The following NACC2 variants were observed in gnomAD, a reference collection of about 807,000 sequenced individuals.
NACC2 encodes NACC family member 2, also known as nucleus accumbens-associated protein 2.
Under a neutral mutation model 25.1 loss-of-function variants are expected in NACC2, and 8 were observed. That is an observed-to-expected ratio of 0.32 (90% CI 0.19 to 0.57). The LOEUF is 0.57. NACC2 is among the 20% of genes least tolerant of loss of function. NACC2 has a pLI of 0.89. For synonymous variants in NACC2, 435 were observed against 294.7 expected, an observed-to-expected ratio of 1.48 and a Z score of -4.88; for missense variants, 644 against 650.2, an observed-to-expected ratio of 0.99 and a Z score of 0.10.
Position 136,013,792 on chromosome 9 carries a change from C to A in NACC2, c.1157+72G>T. 1 of 1,331,122 alleles carries A rather than the reference C, an allele frequency of 7.5e-7. No homozygotes were observed. Among genetic ancestry groups the A allele is most frequent in the Non-Finnish European group, 1.1e-6 (1 of 944,100 alleles). 82.5% of individuals were successfully genotyped at this position (1,331,122 alleles called of 1,614,324 possible). On this transcript the variant is annotated intron_variant, in intron 4 of 5. Coordinates refer to ENST00000277554, the MANE Select transcript of NACC2 (RefSeq NM_144653.5). This position sits in a 1 kb window ranked among gnomAD's most constrained non-coding sequence, Gnocchi z 6.6. ...AATGCCACAACCCTGGACGATCAGA[C>A]AGCTCATAGCTAAAGGAGCCAGAAC...
Position 136,055,924 on chromosome 9 carries a change from C to T in NACC2, c.-59-5344G>A, listed in dbSNP as rs1264144304. On this transcript the variant is annotated intron_variant, in intron 1 of 5. Coordinates refer to ENST00000277554, the MANE Select transcript of NACC2 (RefSeq NM_144653.5). This position sits in a 1 kb window ranked among gnomAD's most constrained non-coding sequence, Gnocchi z 4.9. Reference sequence around the variant, plus strand: ...GTGGGGATGGGGCGGGCCTGCTGTGCCAGGTGCTCTGGAGTCAGCAGGAGC... The same window carrying T: ...GTGGGGATGGGGCGGGCCTGCTGTGTCAGGTGCTCTGGAGTCAGCAGGAGC... Among the ~76,000 whole-genome samples, 1 of 152,180 alleles carries T rather than the reference C, an allele frequency of 6.6e-6. No individual in the cohort carries two copies. The highest frequency in any genetic ancestry group is 6.5e-5 in the Admixed American group (1 of 15,268).
intron 1 of NACC2, among the ~76,000 whole-genome samples, chr9:136,079,408 C>T (rs977765406): frequency 1.8e-4 from 27 of 152,204 alleles, no homozygotes; most frequent in East Asian, 1.2e-3. Context: ...GAAGCCAATG[C>T]GTGGACTCCG....
At position 136,011,293 on chromosome 9, in the gene NACC2, T is replaced by TG; in HGVS notation, c.*222dup. On this transcript the variant is annotated 3_prime_UTR_variant, in exon 6 of 6. Coordinates refer to ENST00000277554, the MANE Select transcript of NACC2 (RefSeq NM_144653.5). ...CCTTGTGAATATCAAAAGGGAGCCC[T>TG]GGGAACTTCCTCGCAGGAGGCTGCC... 2.5e-6 allele frequency: 1 copy of TG among 400,360 alleles called. No homozygotes were observed. Among genetic ancestry groups the TG allele is most frequent in the East Asian group, 4.3e-5 (1 of 23,390 alleles). The allele number at this position is 400,360 out of a possible 1,614,324, so 24.8% of individuals were successfully genotyped here.
At chr9:136,017,720 C>T (rs906713399) in intron 2 of NACC2, among the ~76,000 whole-genome samples, 1 of 152,204 alleles carries the variant, frequency 6.6e-6, no homozygotes, top group Non-Finnish European at 1.5e-5. Context: ...CAGGTGAGGG[C>T]GGAGCACCGC....
At chr9:136,047,386 G>A (rs1840746758) in intron 2 of NACC2, among the ~76,000 whole-genome samples, 1 of 152,170 alleles carries the variant, frequency 6.6e-6, no homozygotes, top group Non-Finnish European at 1.5e-5. Context: ...CCCTTTCTCT[G>A]CCCCACTTAT....
chr9:136,057,883 G>A (rs1018744740), intron 1 of NACC2, among the ~76,000 whole-genome samples: 7 of 152,254 alleles, frequency 4.6e-5, no homozygotes, highest in East Asian at 1.9e-4. Context: ...AATGGGAGGC[G>A]GTCTGGAGCG....
chr9:136,044,914 G>A (rs952158413), intron 2 of NACC2, among the ~76,000 whole-genome samples: 9 of 152,302 alleles, frequency 5.9e-5, no homozygotes, highest in Admixed American at 1.3e-4. Context: ...GTGTTCAGCC[G>A]GGGGATGGAC....
chr9:136,060,593 G>A (rs1024063500), intron 1 of NACC2, among the ~76,000 whole-genome samples: 9 of 152,232 alleles, frequency 5.9e-5, no homozygotes, highest in African/African-American at 1.9e-4. Context: ...TCCCTGGCCC[G>A]AGAAGGCCAA....
rs1483944563 is a variant in NACC2 at position 136,008,024 on chromosome 9, G to C, written c.*3492C>G. The stretch of plus-strand genomic sequence containing the variant: ...AGGAGGCCAGGCAGCCGGCTCCTAT[G>C]TTCTAGGAGCCCCGACCCGCAGTCA... On this transcript the variant is annotated 3_prime_UTR_variant, in exon 6 of 6. Transcript: ENST00000277554. The C allele has an allele frequency of 6.6e-6, 1 of 152,228 alleles. No homozygotes were observed. The allele number at this position is 152,228 out of a possible 1,614,324, so 9.4% of individuals were successfully genotyped here. A position where few individuals can be genotyped will look rare whatever the true frequency, so the allele number is the denominator to read the frequency against.
In NACC2 at chr9:136,020,483, G is replaced by A. The variant is rs952215497; in HGVS notation, c.887-4054C>T. On this transcript the variant is annotated intron_variant, in intron 2 of 5. Transcript: ENST00000277554. The surrounding 1 kb of genome is among the most constrained non-coding windows in gnomAD (Gnocchi z 4.7). ...GCAGCCCCACCAGGGGAGTCTGTGC[G>A]GATGTGGGCGGCAGTGGCGAGTGGT... Among the ~76,000 whole-genome samples, 3 of 152,232 alleles carry A rather than the reference G, an allele frequency of 2.0e-5. No homozygotes were observed. Among genetic ancestry groups the A allele is most frequent in the Admixed American group, 6.5e-5 (1 of 15,292 alleles).
intron 1 of NACC2, among the ~76,000 whole-genome samples, chr9:136,093,027 A>G (rs1288643665): frequency 6.6e-6 from 1 of 152,200 alleles, no homozygotes; most frequent in Non-Finnish European, 1.5e-5. Context: ...GGCTGGGGCC[A>G]CTGGGCACTC....
chr9:136,091,039 G>A (rs1411313500), intron 1 of NACC2, among the ~76,000 whole-genome samples: 1 of 152,222 alleles, frequency 6.6e-6, no homozygotes, highest in African/African-American at 2.4e-5. Flanking sequence ...CACTGGGGGA[G>A]GGGAGATTCC....
chr9:136,080,150 T>C (rs1830306028), intron 1 of NACC2, among the ~76,000 whole-genome samples: 1 of 152,200 alleles, frequency 6.6e-6, no homozygotes, highest in African/African-American at 2.4e-5. Flanking sequence ...AGCCAACGGT[T>C]TGACCACAAG....
intron 3 of NACC2, 102 bp from the exon 4 acceptor site, chr9:136,014,071 G>A (rs989471557): frequency 9.9e-6 from 7 of 706,120 alleles, no homozygotes; most frequent in African/African-American, 9.1e-5. Context: ...TGGAGGGGGA[G>A]GAGGAGCTGG....
At chr9:136,012,333 A>G (rs902994875) in intron 5 of NACC2, among the ~76,000 whole-genome samples, 1 of 152,238 alleles carries the variant, frequency 6.6e-6, no homozygotes. Context: ...CGTAGCCCCA[A>G]CGGCTAACGG....
intron 2 of NACC2, among the ~76,000 whole-genome samples, chr9:136,039,983 G>A (rs905367797): frequency 3.3e-5 from 5 of 152,244 alleles, no homozygotes; most frequent in South Asian, 2.1e-4. Flanking sequence ...AGGAATTTAC[G>A]GAAAGCTATT....
chr9:136,091,127 T>C (rs1830430307), intron 1 of NACC2, among the ~76,000 whole-genome samples: 1 of 152,162 alleles, frequency 6.6e-6, no homozygotes, highest in African/African-American at 2.4e-5. Flanking sequence ...TGCCTCTTGT[T>C]CTCCCGGGAG....
At position 136,050,042 on chromosome 9, in the gene NACC2, G is replaced by A. The variant is rs1840795159; in HGVS notation, c.480C>T (p.Val160=). The A allele has an allele frequency of 2.8e-6, 2 of 716,298 alleles. No homozygotes were observed. Among genetic ancestry groups the A allele is most frequent in the African/African-American group, 1.7e-5 (1 of 58,234 alleles). 44.4% of individuals were successfully genotyped at this position (716,298 alleles called of 1,614,324 possible). A position where few individuals can be genotyped will look rare whatever the true frequency, so the allele number is the denominator to read the frequency against. Reference sequence around the variant, plus strand: ...GCGGGATGGGCACCGAGGGGGACACGACGTAGGGGGCCGCGGCGGCGGCGG... The same window carrying A: ...GCGGGATGGGCACCGAGGGGGACACAACGTAGGGGGCCGCGGCGGCGGCGG... ...QPAAAAAAPY[V]VSPSVPIPLL... The change falls in exon 2 of 6, where the codon GTC becomes GTT. Residue 160 remains valine (V), a synonymous_variant. Coordinates refer to ENST00000277554, the MANE Select transcript of NACC2 (RefSeq NM_144653.5).
At chr9:136,063,171 C>T (rs1322675198) in intron 1 of NACC2, among the ~76,000 whole-genome samples, 3 of 152,192 alleles carry the variant, frequency 2.0e-5, no homozygotes, top group South Asian at 2.1e-4. Context: ...TGGTTTGAGC[C>T]GCATTCCCAT....
Sources: allele counts gnomAD v4.1 joint callset (sites outside exome capture counted in the v4.1 genomes callset), GRCh38; gene constraint gnomAD v4.1.1; non-coding constraint Gnocchi (gnomAD v3.1); transcripts MANE v1.5; gene names NCBI Gene and HGNC (gene_info 2026-07-23, HGNC 2026-07-21).